The following AOX1 variants were observed in gnomAD, a reference collection of about 807,000 sequenced individuals.
The protein encoded by AOX1 is aldehyde oxidase 1.
A neutral mutation model predicts 169.5 loss-of-function variants in AOX1; 153 were observed. That is an observed-to-expected ratio of 0.90 (90% CI 0.79 to 1.03). The LOEUF is 1.03. Ranked by LOEUF, AOX1 falls within the 50% of genes least tolerant of loss-of-function variation. The pLI, the probability that AOX1 is intolerant of heterozygous loss-of-function variation, is 0.00. For missense variants in AOX1, 1,656 were observed against 1,663.9 expected, an observed-to-expected ratio of 1.00 and a Z score of 0.08; for synonymous variants, 562 against 581.9, an observed-to-expected ratio of 0.97 and a Z score of 0.49.
intron 10 of AOX1, 86 bp downstream of exon 10, chr2:200,605,714 A>G (rs1272824634): frequency 3.5e-6 from 2 of 569,922 alleles, no homozygotes; most frequent in Non-Finnish European, 6.0e-6. Flanking sequence ...AAAAAGAATG[A>G]TTCCTAATTA....
intron 1 of AOX1, among the ~76,000 whole-genome samples, chr2:200,589,984 G>T (rs2034134470): frequency 6.6e-6 from 1 of 152,148 alleles, no homozygotes; most frequent in Non-Finnish European, 1.5e-5. Flanking sequence ...TAAAGCTCAG[G>T]AAGATGTGTC....
At position 200,636,989 on chromosome 2, in the gene AOX1, G is replaced by C. The variant is rs1170410994; in HGVS notation, c.2425G>C (p.Gly809Arg). ...AAGGCGTGTTGGTGGAGCGTTTGGA[G>C]GGAAGGTGTTAAAAACCGGAATCAT... ...HVRRVGGAFG[G>R]KVLKTGIIAA... Residue 809 changes from glycine (G) to arginine (R), a missense_variant, in exon 22 of 35, where the codon GGG becomes CGG. Gly to Arg is a moderately radical substitution (Grantham distance 125). Coordinates refer to ENST00000374700, the MANE Select transcript of AOX1 (RefSeq NM_001159.4). 8 of 1,614,122 alleles carry C rather than the reference G, an allele frequency of 5.0e-6. No homozygotes were observed. The highest frequency in any genetic ancestry group is 1.3e-5 in the African/African-American group (1 of 75,040).
At chr2:200,590,812 C>T (rs1481446788) in intron 1 of AOX1, among the ~76,000 whole-genome samples, 1 of 152,164 alleles carries the variant, frequency 6.6e-6, no homozygotes, top group East Asian at 1.9e-4. Flanking sequence ...TATCTAGGAA[C>T]AGACATTGTG....
chr2:200,623,756 C>A, intron 18 of AOX1, 105 bp from the exon 19 acceptor site: 3 of 1,539,592 alleles, frequency 1.9e-6, no homozygotes, highest in Non-Finnish European at 1.8e-6. Flanking sequence ...GTGTATCTAG[C>A]CCTAGCCCTA....
At position 200,596,371 on chromosome 2, in the gene AOX1, C is replaced by G. The variant is rs551030566; in HGVS notation, c.200+1003C>G. Reference sequence around the variant, plus strand: ...GTCTTTAGCCTCTAGGGAGTGGCGACTACCCTATGCTCTGTGAAGTCTGAG... The same window carrying G: ...GTCTTTAGCCTCTAGGGAGTGGCGAGTACCCTATGCTCTGTGAAGTCTGAG... On this transcript the variant is annotated intron_variant, in intron 3 of 34. Coordinates refer to ENST00000374700, the MANE Select transcript of AOX1 (RefSeq NM_001159.4). Among the ~76,000 whole-genome samples the G allele has an allele frequency of 2.0e-4, 31 of 152,310 alleles. No homozygotes were observed. In the South Asian group the frequency reaches 5.6e-3, roughly 28 times the overall value.
In AOX1 at chr2:200,659,065, C is replaced by G. The variant is rs2035752509; in HGVS notation, c.3172-100C>G. 3.5e-6 allele frequency: 4 copies of G among 1,144,160 alleles called. No individual in the cohort carries two copies. In the Admixed American group the frequency reaches 1.0e-4, roughly 29 times the overall value. 70.9% of individuals were successfully genotyped at this position (1,144,160 alleles called of 1,614,324 possible). On this transcript the variant is annotated intron_variant, in intron 27 of 34. Coordinates refer to ENST00000374700, the MANE Select transcript of AOX1 (RefSeq NM_001159.4). ...TGTGGTTCTGCTCCCTTGTCCCTGT[C>G]ATGGGTATGAGGGTATCACACATGT...
At chr2:200,625,831 G>A (rs1230165785) in intron 19 of AOX1, among the ~76,000 whole-genome samples, 1 of 152,118 alleles carries the variant, frequency 6.6e-6, no homozygotes, top group Admixed American at 6.5e-5. Context: ...CCAATAGGAA[G>A]TGTGTTATCA....
intron 32 of AOX1, among the ~76,000 whole-genome samples, chr2:200,667,321 A>G (rs2035939757): frequency 6.6e-6 from 1 of 152,166 alleles, no homozygotes. Context: ...GTACCTTTAG[A>G]GTCCCACACT....
intron 14 of AOX1, among the ~76,000 whole-genome samples, chr2:200,613,313 G>A (rs181684010): frequency 3.3e-5 from 5 of 152,240 alleles, no homozygotes; most frequent in Admixed American, 6.5e-5. Flanking sequence ...CAAAATCTCA[G>A]TTTACCCTCT....
intron 18 of AOX1, among the ~76,000 whole-genome samples, chr2:200,623,215 G>A (rs1461282579): frequency 6.6e-6 from 1 of 152,156 alleles, no homozygotes; most frequent in African/African-American, 2.4e-5. Context: ...AAGTCTTAAG[G>A]TTTCTTTTCC....
intron 2 of AOX1, among the ~76,000 whole-genome samples, chr2:200,594,693 C>T (rs186188995): frequency 6.6e-6 from 1 of 152,314 alleles, no homozygotes; most frequent in Admixed American, 6.5e-5. Flanking sequence ...TTGTTAATGA[C>T]CCCACCTAGC....
intron 5 of AOX1, among the ~76,000 whole-genome samples, chr2:200,600,151 G>A (rs999844772): frequency 1.3e-5 from 2 of 152,180 alleles, no homozygotes; most frequent in African/African-American, 4.8e-5. Flanking sequence ...GAATTGGTTT[G>A]TTCAAATCAG....
intron 20 of AOX1, among the ~76,000 whole-genome samples, chr2:200,630,210 T>TAAAAAAA (rs57410809): frequency 2.7e-4 from 26 of 95,522 alleles, no homozygotes; most frequent in African/African-American, 1.1e-3. Flanking sequence ...TCCTTCTATT[T>TAAAAAAA]AAAAAAAAAA....
chr2:200,590,959 G>A (rs2034159422), intron 1 of AOX1, among the ~76,000 whole-genome samples: 1 of 152,114 alleles, frequency 6.6e-6, no homozygotes, highest in Non-Finnish European at 1.5e-5. Flanking sequence ...ATTCCAAGTA[G>A]CGGGAAGGAA....
At position 200,642,599 on chromosome 2, in the gene AOX1, G is replaced by A. The variant is rs749993522; in HGVS notation, c.2656-11G>A. 1.2e-6 allele frequency: 2 copies of A among 1,612,352 alleles called. No individual in the cohort carries two copies. The highest frequency in any genetic ancestry group is 2.7e-5 in the African/African-American group (2 of 74,864). On this transcript the variant is annotated splice_polypyrimidine_tract_variant and intron_variant, in intron 24 of 34. Transcript: ENST00000374700. ...GAAGATCTTAATCACATCAACTCTG[G>A]ATTTCTCCAGGTGATAGAAATGGGA...
At chr2:200,678,997 C>G (rs997025295), downstream of AOX1, among the ~76,000 whole-genome samples, 4 of 152,118 alleles carry the variant, frequency 2.6e-5, no homozygotes, top group African/African-American at 9.7e-5. Flanking sequence ...ACCATCACAA[C>G]CAACAAACTG....
intron 12 of AOX1, among the ~76,000 whole-genome samples, chr2:200,609,822 A>C (rs2034597451): frequency 6.6e-6 from 1 of 152,166 alleles, no homozygotes; most frequent in South Asian, 2.1e-4. Context: ...TCATTGATGG[A>C]AACATACAGG....
intron 18 of AOX1, 127 bp from the exon 19 acceptor site, chr2:200,623,734 G>A (rs2034938463): frequency 7.2e-7 from 1 of 1,393,446 alleles, no homozygotes; most frequent in Non-Finnish European, 1.0e-6. Flanking sequence ...GATGTGGAGG[G>A]GTCACACCTG....
chr2:200,680,197 G>A (rs1262289733), downstream of AOX1, among the ~76,000 whole-genome samples: 1 of 152,202 alleles, frequency 6.6e-6, no homozygotes, highest in East Asian at 1.9e-4. Context: ...ATAGTTTTGT[G>A]ACCTGAATGT....
Sources: allele counts gnomAD v4.1 joint callset (sites outside exome capture counted in the v4.1 genomes callset), GRCh38; gene constraint gnomAD v4.1.1; transcripts MANE v1.5; gene names NCBI Gene and HGNC (gene_info 2026-07-23, HGNC 2026-07-21).